The following FCER1A variants were observed in gnomAD, a reference collection of about 807,000 sequenced individuals.
FCER1A encodes high affinity immunoglobulin epsilon receptor subunit alpha.
A neutral mutation model predicts 23.6 loss-of-function variants in FCER1A; 24 were observed. That is an observed-to-expected ratio of 1.02 (90% CI 0.74 to 1.43). FCER1A has a LOEUF of 1.43. Ranked by LOEUF, FCER1A falls within the 40% of genes most tolerant of loss-of-function variation. FCER1A has a pLI of 0.00. For synonymous variants in FCER1A, 121 were observed against 108.8 expected (o/e 1.11, Z -0.70); for missense variants, 318 against 294.5 (o/e 1.08, Z -0.58).
intron 2 of FCER1A, among the ~76,000 whole-genome samples, chr1:159,303,085 A>G (rs991452147): frequency 6.6e-6 from 1 of 152,074 alleles, no homozygotes; most frequent in Non-Finnish European, 1.5e-5. Flanking sequence ...GTTTTAGTCA[A>G]TAACCATGTC....
upstream of FCER1A, among the ~76,000 whole-genome samples, chr1:159,289,472 G>T (rs1425295566): frequency 6.6e-6 from 1 of 152,194 alleles, no homozygotes; most frequent in Non-Finnish European, 1.5e-5. Flanking sequence ...GTTGAAAGAA[G>T]TCTCAACTTG....
upstream of FCER1A, among the ~76,000 whole-genome samples, chr1:159,301,555 T>C (rs1193208063): frequency 6.6e-6 from 1 of 152,188 alleles, no homozygotes; most frequent in African/African-American, 2.4e-5. Flanking sequence ...CTGAGCCAGA[T>C]TAGGGCACAG....
chr1:159,291,882 T>G (rs989819015), intron 1 of FCER1A, among the ~76,000 whole-genome samples: 1 of 152,172 alleles, frequency 6.6e-6, no homozygotes, highest in Non-Finnish European at 1.5e-5. Context: ...AACTTCCATA[T>G]TGCTAGATTC....
intron 1 of FCER1A, among the ~76,000 whole-genome samples, chr1:159,296,773 C>T (rs767043997): frequency 5.3e-5 from 8 of 152,148 alleles, no homozygotes; most frequent in Non-Finnish European, 7.4e-5. Context: ...ACAAGCAACC[C>T]TCAATACACA....
upstream of FCER1A, among the ~76,000 whole-genome samples, chr1:159,298,597 G>A (rs551810328): frequency 7.2e-5 from 11 of 152,296 alleles, no homozygotes; most frequent in Non-Finnish European, 1.2e-4. Flanking sequence ...TGCTATTGAT[G>A]CTCTTTCTTG....
chr1:159,288,005 A>G (rs542102139), upstream of FCER1A, among the ~76,000 whole-genome samples: 1 of 152,202 alleles, frequency 6.6e-6, no homozygotes, highest in South Asian at 2.1e-4. Flanking sequence ...TGAGGATGTG[A>G]TAAGGAGCTA....
At chr1:159,300,949 G>T (rs183169651), upstream of FCER1A, among the ~76,000 whole-genome samples, 6 of 152,060 alleles carry the variant, frequency 3.9e-5, no homozygotes, top group Admixed American at 2.0e-4. Flanking sequence ...TACCTTTAAG[G>T]TCTGTCATTA....
upstream of FCER1A, among the ~76,000 whole-genome samples, chr1:159,300,218 A>C (rs1652396192): frequency 6.6e-6 from 1 of 152,166 alleles, no homozygotes; most frequent in Admixed American, 6.5e-5. Context: ...GTACCTCTCG[A>C]TGAGCCCTGC....
intron 1 of FCER1A, among the ~76,000 whole-genome samples, chr1:159,294,047 A>T (rs1033780834): frequency 2.0e-5 from 3 of 152,138 alleles, no homozygotes; most frequent in Admixed American, 6.6e-5. Flanking sequence ...TAGAATGGCA[A>T]CCATTAAAAA....
At chr1:159,302,979 A>G (rs967150891) in intron 2 of FCER1A, 105 bp downstream of exon 2, 4 of 1,122,112 alleles carry the variant, frequency 3.6e-6, no homozygotes, top group Non-Finnish European at 1.4e-6. Flanking sequence ...ATGAGCATGA[A>G]TCTGTTCCTT....
intron 2 of FCER1A, 44 bp from the exon 3 acceptor site, chr1:159,303,884 T>C (rs1287888511): frequency 6.5e-7 from 1 of 1,541,730 alleles, no homozygotes; most frequent in Admixed American, 1.9e-5. Context: ...TTCAATGACT[T>C]TTTTTCTCTC....
At chr1:159,286,426 G>A (rs534677993), upstream of FCER1A, among the ~76,000 whole-genome samples, 3 of 151,294 alleles carry the variant, frequency 2.0e-5, no homozygotes, top group South Asian at 4.2e-4. Context: ...TCCGCCTCCC[G>A]GGTTCATGCC....
At chr1:159,290,445 C>CT (rs1231569290) in intron 1 of FCER1A, among the ~76,000 whole-genome samples, 1 of 152,154 alleles carries the variant, frequency 6.6e-6, no homozygotes, top group Non-Finnish European at 1.5e-5. Context: ...CCATCAGTAT[C>CT]TTGCCTCATA....
chr1:159,289,901 C>G (rs544829128), intron 1 of FCER1A: 1 of 152,178 alleles, frequency 6.6e-6, no homozygotes, highest in African/African-American at 2.4e-5. Context: ...TAGCTGTCGG[C>G]TCCTTGTTTT....
chr1:159,293,301 C>A (rs1431455693), intron 1 of FCER1A, among the ~76,000 whole-genome samples: 2 of 151,864 alleles, frequency 1.3e-5, no homozygotes, highest in Non-Finnish European at 2.9e-5. Context: ...CATGATCTGG[C>A]CCCTATGTGT....
At chr1:159,299,965 T>A (rs574175046), upstream of FCER1A, among the ~76,000 whole-genome samples, 124 of 151,650 alleles carry the variant, frequency 8.2e-4, no homozygotes, top group African/African-American at 3.0e-3. Context: ...CTGTTAATGG[T>A]TTGCTTTTTT....
At chr1:159,292,479 T>TTG (rs1160274530) in intron 1 of FCER1A, among the ~76,000 whole-genome samples, 11 of 152,214 alleles carry the variant, frequency 7.2e-5, no homozygotes, top group African/African-American at 2.6e-4. Context: ...GTAAGTCCCA[T>TTG]TAATATATAT....
intron 4 of FCER1A, among the ~76,000 whole-genome samples, chr1:159,307,426 C>T (rs1285433177): frequency 6.6e-6 from 1 of 152,210 alleles, no homozygotes; most frequent in African/African-American, 2.4e-5. Context: ...CCCCTTTCCA[C>T]CCCTTAATTA....
chr1:159,295,242 A>G (rs1036320406), intron 1 of FCER1A, among the ~76,000 whole-genome samples: 13 of 152,106 alleles, frequency 8.5e-5, no homozygotes, highest in African/African-American at 3.1e-4. Context: ...TTGGCAGCCT[A>G]TTCTAGGGTG....
Sources: allele counts gnomAD v4.1 joint callset (sites outside exome capture counted in the v4.1 genomes callset), GRCh38; gene constraint gnomAD v4.1.1; transcripts MANE v1.5; gene names NCBI Gene and HGNC (gene_info 2026-07-23, HGNC 2026-07-21).